The following BANK1 variants were observed in gnomAD, a reference collection of about 807,000 sequenced individuals.
The protein encoded by BANK1 is B-cell scaffold protein with ankyrin repeats.
BANK1 carries 95 observed loss-of-function variants against 94.5 expected under a neutral mutation model. That is an observed-to-expected ratio of 1.00 (90% CI 0.85 to 1.19). The LOEUF is 1.19. Ranked by LOEUF, BANK1 falls within the 50% of genes most tolerant of loss-of-function variation. The pLI is 0.00. For synonymous variants in BANK1, 334 were observed against 308.4 expected (o/e 1.08, Z -0.87); for missense variants, 987 against 932.2 (o/e 1.06, Z -0.77).
chr4:101,967,057 T>C (rs189986468), intron 7 of BANK1, among the ~76,000 whole-genome samples: 10 of 152,244 alleles, frequency 6.6e-5, no homozygotes, highest in Admixed American at 5.2e-4. Context: ...TAATCGTTAA[T>C]TGAGCACTTA....
chr4:101,989,330 C>G (rs1405356125), intron 7 of BANK1, among the ~76,000 whole-genome samples: 1 of 148,574 alleles, frequency 6.7e-6, no homozygotes, highest in Non-Finnish European at 1.5e-5. Context: ...ACTCAGGAGG[C>G]TGAGGCAGGA....
rs143662071 is a variant in BANK1, at chr4:101,822,716, T to G, written c.71-7092T>G. Among the ~76,000 whole-genome samples, 995 of 151,684 alleles carry G rather than the reference T, an allele frequency of 6.6e-3. 13 individuals are homozygous for G. Among genetic ancestry groups the G allele is most frequent in the African/African-American group, 0.023 (942 of 41,388 alleles). ...CTTCAAGCTCCACCTCCCAAGTTCA[T>G]GTCATTCTCCTGCCTCAGCCTCCCG... On this transcript the variant is annotated intron_variant, in intron 1 of 16. Transcript: ENST00000322953.
chr4:101,893,464 C>T (rs1721952483), intron 5 of BANK1, among the ~76,000 whole-genome samples: 1 of 151,974 alleles, frequency 6.6e-6, no homozygotes, highest in Admixed American at 6.6e-5. Context: ...AGATAATATG[C>T]TATACAGAAC....
Position 101,855,017 on chromosome 4 carries a change from T to G in BANK1, c.470-18T>G. ...GCTTTAGTTATATTATAATCTACAT[T>G]CATAAAATTTTCTCTAGATTCTGAA... is the stretch of plus-strand genomic sequence containing the variant. On this transcript the variant is annotated intron_variant, in intron 2 of 16. Coordinates refer to ENST00000322953, the MANE Select transcript of BANK1 (RefSeq NM_017935.5). 1 of 1,579,840 alleles carries G rather than the reference T, an allele frequency of 6.3e-7. No individual in the cohort carries two copies. The highest frequency in any genetic ancestry group is 8.7e-7 in the Non-Finnish European group (1 of 1,153,556).
chr4:102,028,900 T>A (rs1340089658), intron 9 of BANK1, among the ~76,000 whole-genome samples: 1 of 152,004 alleles, frequency 6.6e-6, no homozygotes, highest in East Asian at 1.9e-4. Flanking sequence ...CATCTGTTTT[T>A]TATTTGTTTT....
At chr4:101,956,634 C>T (rs943679949) in intron 7 of BANK1, among the ~76,000 whole-genome samples, 13 of 152,138 alleles carry the variant, frequency 8.5e-5, no homozygotes, top group African/African-American at 2.9e-4. Context: ...GAAGCTTAAA[C>T]TCTCTGCTTA....
chr4:102,031,669 A>G (rs1316915983), intron 10 of BANK1, among the ~76,000 whole-genome samples: 6 of 152,208 alleles, frequency 3.9e-5, no homozygotes, highest in Admixed American at 6.5e-5. Flanking sequence ...TCTCCTTGAT[A>G]CTTCCTTCCT....
At chr4:101,818,839 A>G (rs979658368) in intron 1 of BANK1, among the ~76,000 whole-genome samples, 1 of 151,506 alleles carries the variant, frequency 6.6e-6, no homozygotes, top group Admixed American at 6.6e-5. Flanking sequence ...GGGTCTTGGA[A>G]GGTATTCTCC....
At chr4:101,899,432 C>T (rs912218473) in intron 6 of BANK1, among the ~76,000 whole-genome samples, 5 of 151,902 alleles carry the variant, frequency 3.3e-5, no homozygotes, top group African/African-American at 7.3e-5. Flanking sequence ...CATCTCTTGC[C>T]AATAATAATT....
Position 101,866,450 on chromosome 4 carries a change from C to T in BANK1, c.763+3786C>T, listed in dbSNP as rs559078254. Among the ~76,000 whole-genome samples the T allele has an allele frequency of 1.5e-4, 23 of 152,020 alleles. 1 individual carries two copies. Among genetic ancestry groups the T allele is most frequent in the Middle Eastern group, 3.4e-3 (1 of 294 alleles). ...GACAAAATGAAGCACAATAAATATT[C>T]GCATATTAATGACAGATCAAAATAC... On this transcript the variant is annotated intron_variant, in intron 4 of 16. Coordinates refer to ENST00000322953, the MANE Select transcript of BANK1 (RefSeq NM_017935.5).
At position 101,874,077 on chromosome 4, in the gene BANK1, G is replaced by A. The variant is rs140503236; in HGVS notation, c.903+3433G>A. 2.0e-3 allele frequency among the ~76,000 whole-genome samples: 301 copies of A among 152,122 alleles called. 1 individual carries two copies. The highest frequency in any genetic ancestry group is 6.6e-3 in the African/African-American group (276 of 41,514). The stretch of plus-strand genomic sequence containing the variant: ...AGTTATATTGCTTATTAGTAAAAAG[G>A]TATCTTTGTTTTGCACGTATTTATC... On this transcript the variant is annotated intron_variant, in intron 5 of 16. Transcript: ENST00000322953.
At chr4:101,803,923 G>A (rs1725448370) in intron 1 of BANK1, among the ~76,000 whole-genome samples, 1 of 135,784 alleles carries the variant, frequency 7.4e-6, no homozygotes, top group Non-Finnish European at 1.6e-5. Context: ...GCGTGAACCC[G>A]GGAAGCGGAG....
chr4:101,883,094 C>T (rs908519214), intron 5 of BANK1, among the ~76,000 whole-genome samples: 16 of 152,110 alleles, frequency 1.1e-4, no homozygotes, highest in Non-Finnish European at 1.9e-4. Context: ...TCTATTGAAG[C>T]TTGTATTTTA....
intron 5 of BANK1, 26 bp from the exon 6 acceptor site, chr4:101,895,279 A>G: frequency 7.2e-7 from 1 of 1,390,274 alleles, no homozygotes. Flanking sequence ...AACCTAGTGA[A>G]AATTTTCTTT....
At chr4:101,864,781 C>A (rs535354574) in intron 4 of BANK1, among the ~76,000 whole-genome samples, 1 of 152,236 alleles carries the variant, frequency 6.6e-6, no homozygotes, top group African/African-American at 2.4e-5. Context: ...AGTGATTGAA[C>A]AAAAGAATAT....
intron 1 of BANK1, among the ~76,000 whole-genome samples, chr4:101,809,358 G>T (rs1725666156): frequency 6.6e-6 from 1 of 151,972 alleles, no homozygotes; most frequent in Non-Finnish European, 1.5e-5. Flanking sequence ...AAGGGTTGGA[G>T]GGGGATGAGG....
chr4:102,061,584 T>C (rs1474274166), intron 12 of BANK1: 2 of 152,240 alleles, frequency 1.3e-5, no homozygotes, highest in Non-Finnish European at 2.9e-5. Context: ...TGTTAGATTT[T>C]ATAGATTTTG....
intron 10 of BANK1, among the ~76,000 whole-genome samples, chr4:102,031,655 A>G (rs1235548996): frequency 1.3e-5 from 2 of 152,190 alleles, no homozygotes; most frequent in African/African-American, 4.8e-5. Context: ...ATATATGTAG[A>G]AATTCTCCTT....
chr4:102,069,672 A>G (rs1728695951), intron 13 of BANK1, among the ~76,000 whole-genome samples: 1 of 152,270 alleles, frequency 6.6e-6, no homozygotes, highest in South Asian at 2.1e-4. Context: ...CATTCATAAT[A>G]TCCAAACTGG....
Sources: allele counts gnomAD v4.1 joint callset (sites outside exome capture counted in the v4.1 genomes callset), GRCh38; gene constraint gnomAD v4.1.1; transcripts MANE v1.5; gene names NCBI Gene and HGNC (gene_info 2026-07-23, HGNC 2026-07-21).